Variants in MICAL3 observed in about 807,000 individuals in gnomAD.
MICAL3 encodes microtubule associated monooxygenase, calponin and LIM domain containing 3.
Under a neutral mutation model 207.4 loss-of-function variants are expected in MICAL3, and 62 were observed. That is an observed-to-expected ratio of 0.30 (90% confidence interval 0.24 to 0.37). MICAL3 has a LOEUF of 0.37. Among genes scored for constraint, MICAL3 ranks in the 10% least tolerant of loss-of-function variants. The pLI, the probability that MICAL3 is intolerant of heterozygous loss-of-function variation, is 1.00. For synonymous variants in MICAL3, 1,077 were observed against 1,069.3 expected (o/e 1.01, Z -0.14); for missense variants, 2,368 against 2,635.6 (o/e 0.90, Z 2.22).
chr22:17,857,107 C>A (rs1925999965), intron 19 of MICAL3, among the ~76,000 whole-genome samples: 2 of 152,142 alleles, frequency 1.3e-5, no homozygotes, highest in African/African-American at 4.8e-5. Flanking sequence ...CCTTGGTCAC[C>A]AGGTTGTACT....
intron 17 of MICAL3, among the ~76,000 whole-genome samples, chr22:17,867,382 C>T (rs529298308): frequency 6.6e-6 from 1 of 152,318 alleles, no homozygotes; most frequent in Admixed American, 6.5e-5. Flanking sequence ...GGAGCCTGGC[C>T]ACAACTTCCT....
chr22:17,822,908 T>C, intron 23 of MICAL3, 39 bp downstream of exon 23: 1 of 1,388,498 alleles, frequency 7.2e-7, no homozygotes, highest in Non-Finnish European at 1.0e-6. Flanking sequence ...TCATCTTCCC[T>C]GAGCTCCCAC....
At chr22:17,872,973 G>T (rs1280718429) in intron 16 of MICAL3, 1 of 703,656 alleles carries the variant, frequency 1.4e-6, no homozygotes, top group Non-Finnish European at 2.5e-6. Context: ...TTGAATACAA[G>T]GTGCAGCAGC....
chr22:17,937,142 C>T (rs1295923566), intron 1 of MICAL3, among the ~76,000 whole-genome samples: 4 of 152,198 alleles, frequency 2.6e-5, no homozygotes, highest in South Asian at 4.1e-4. Flanking sequence ...CATCCTGAGT[C>T]GCACAGCAAG....
At chr22:17,979,112 T>C (rs1935788579) in intron 1 of MICAL3, among the ~76,000 whole-genome samples, 1 of 151,948 alleles carries the variant, frequency 6.6e-6, no homozygotes, top group Non-Finnish European at 1.5e-5. Flanking sequence ...AGGTTGTGGC[T>C]GCAGTAAGCT....
At chr22:17,997,157 GAGCGCAGGCAATCCTCCCACCTC>G (rs1448997847) in intron 1 of MICAL3, among the ~76,000 whole-genome samples, 1 of 143,532 alleles carries the variant, frequency 7.0e-6, no homozygotes, top group Non-Finnish European at 1.5e-5. Context: ...TCGGCCTCCT[GAGCGCAGGCAATCCTCCCACCTC>G]AGCCTCCAGA....
rs1408202371 is a variant in MICAL3 at position 17,844,732 on chromosome 22, A to G, written c.2606-2715T>C. On this transcript the variant is annotated intron_variant, in intron 19 of 31. Coordinates refer to ENST00000441493, the MANE Select transcript of MICAL3 (RefSeq NM_015241.3). ...TTGCTGGGGGACCTTTTTAAACATC[A>G]TGCTCCATTCTTCAACACCGAGCTC... is the stretch of plus-strand genomic sequence containing the variant. Among the ~76,000 whole-genome samples the G allele has an allele frequency of 5.3e-5, 8 of 152,302 alleles. 1 individual carries two copies. The highest frequency in any genetic ancestry group is 5.2e-4 in the Admixed American group (8 of 15,304).
intron 1 of MICAL3, among the ~76,000 whole-genome samples, chr22:17,908,324 T>C (rs188531176): frequency 6.6e-6 from 1 of 152,258 alleles, no homozygotes; most frequent in African/African-American, 2.4e-5. Context: ...TTTCTTTTTT[T>C]TGAGATGGAG....
intron 28 of MICAL3, among the ~76,000 whole-genome samples, chr22:17,810,163 T>C (rs554526655): frequency 2.9e-4 from 44 of 150,662 alleles, no homozygotes; most frequent in South Asian, 8.5e-4. Context: ...GCTGGGTTCA[T>C]GCCATTCTCC....
chr22:17,863,939 C>A, intron 19 of MICAL3: 6 of 985,400 alleles, frequency 6.1e-6, no homozygotes, highest in Non-Finnish European at 7.2e-6. Context: ...GTGTTTTGAA[C>A]AAGAGGAAAG....
intron 1 of MICAL3, among the ~76,000 whole-genome samples, chr22:17,970,966 G>A (rs1377713346): frequency 6.6e-6 from 1 of 152,128 alleles, no homozygotes; most frequent in Non-Finnish European, 1.5e-5. Flanking sequence ...CAGATTGCTT[G>A]AGCTCAGGAG....
At chr22:17,865,384 G>T (rs1388638569) in intron 18 of MICAL3, among the ~76,000 whole-genome samples, 3 of 152,206 alleles carry the variant, frequency 2.0e-5, no homozygotes, top group Non-Finnish European at 4.4e-5. Flanking sequence ...GGTTCACCGC[G>T]ACAAAGACAG....
chr22:17,906,533 C>T lies in MICAL3; in HGVS notation c.264+16G>A. 6.2e-7 allele frequency: 1 copy of T among 1,612,302 alleles called. No individual in the cohort carries two copies. Among genetic ancestry groups the T allele is most frequent in the Non-Finnish European group, 8.5e-7 (1 of 1,178,868 alleles). ...TCTCGTCAGTGACCCCAGGGCCCAA[C>T]AGGAGCAAAGCTTACCTTGGTGTTA... On this transcript the variant is annotated intron_variant, in intron 2 of 31. Coordinates refer to ENST00000441493, the MANE Select transcript of MICAL3 (RefSeq NM_015241.3).
rs114085691 is a variant in MICAL3 at position 17,797,803 on chromosome 22, C to T, written c.5651-6502G>A. Among the ~76,000 whole-genome samples the T allele has an allele frequency of 2.0e-3, 308 of 152,356 alleles. 1 individual carries two copies. The highest frequency in any genetic ancestry group is 7.0e-3 in the African/African-American group (292 of 41,570). The stretch of plus-strand genomic sequence containing the variant: ...ACGCACCGGCCACCAACGCTAACCA[C>T]GTGGCAGCCAGCAGAGGACGCAGAG... On this transcript the variant is annotated intron_variant, in intron 29 of 31. Transcript: ENST00000441493.
At chr22:17,863,421 C>T in intron 19 of MICAL3, 5 of 985,398 alleles carry the variant, frequency 5.1e-6, no homozygotes, top group Non-Finnish European at 6.0e-6. Context: ...GTCTAGACCC[C>T]TTTGGTTATT....
intron 1 of MICAL3, chr22:17,983,466 A>G (rs74718874): frequency 6.4e-4 from 89 of 139,790 alleles, no homozygotes; most frequent in African/African-American, 2.3e-3. Flanking sequence ...GATGGAGACC[A>G]TCTCTACCTA....
In MICAL3 at chr22:17,817,518, T is replaced by G. The variant is rs1482183613; in HGVS notation, c.5143A>C (p.Lys1715Gln). 6.2e-7 allele frequency: 1 copy of G among 1,613,648 alleles called. No homozygotes were observed. The highest frequency in any genetic ancestry group is 8.5e-7 in the Non-Finnish European group (1 of 1,179,814). Residue 1715 changes from lysine to glutamine, a missense_variant, in exon 26 of 32, where the codon AAA becomes CAA. This residue lies in a region of MICAL3 where 1,770 missense variants were observed against 1,863.2 expected (regional missense o/e 0.95). Coordinates refer to ENST00000441493, the MANE Select transcript of MICAL3 (RefSeq NM_015241.3). ...PRRNKKEKKS[K>Q]GEGRPPEKPS... The stretch of plus-strand genomic sequence containing the variant: ...TTCTCCGGGGGCCGGCCCTCGCCTT[T>G]GGACTTCTTCTCCTTCTTGTTTCTG...
In MICAL3 at chr22:17,906,783, G is replaced by A. The variant is rs771665664; in HGVS notation, c.30C>T (p.Asn10=). The A allele has an allele frequency of 6.2e-7, 1 of 1,611,332 alleles. No homozygotes were observed. The highest frequency in any genetic ancestry group is 8.5e-7 in the Non-Finnish European group (1 of 1,178,172). The part of the protein sequence containing the change: MEERKHETM[N]PAHVLFDRFV... ...ACCGGTCAAAGAGGACATGAGCTGG[G>A]TTCATGGTCTCATGCTTCCTCTCCT... is the stretch of plus-strand genomic sequence containing the variant. Residue 10 remains asparagine, a synonymous_variant, in exon 2 of 32, where the codon AAC becomes AAT. Coordinates refer to ENST00000441493, the MANE Select transcript of MICAL3 (RefSeq NM_015241.3).
At chr22:17,983,699 C>G (rs930364307) in intron 1 of MICAL3, 1 of 152,784 alleles carries the variant, frequency 6.5e-6, no homozygotes, top group African/African-American at 2.4e-5. Context: ...CAGTTAGTAC[C>G]CTGTCCTCAC....
Sources: allele counts gnomAD v4.1 joint callset (sites outside exome capture counted in the v4.1 genomes callset), GRCh38; gene constraint gnomAD v4.1.1; regional missense constraint gnomAD v4.1.1; transcripts MANE v1.5; gene names NCBI Gene and HGNC (gene_info 2026-07-23, HGNC 2026-07-21).